Variants in APLP1 observed in about 807,000 individuals in gnomAD.
The protein encoded by APLP1 is amyloid beta (A4) precursor-like protein 1.
A neutral mutation model predicts 84.5 loss-of-function variants in APLP1; 46 were observed. That is an observed-to-expected ratio of 0.54 (90% CI 0.43 to 0.70). APLP1 has a LOEUF of 0.70. Ranked by LOEUF, APLP1 falls within the 30% of genes least tolerant of loss-of-function variation. APLP1 has a pLI of 0.00. For missense variants in APLP1, 826 were observed against 900.2 expected, an observed-to-expected ratio of 0.92 and a Z score of 1.05; for synonymous variants, 376 against 364.0, an observed-to-expected ratio of 1.03 and a Z score of -0.38.
In APLP1 at chr19:35,873,600, G is replaced by A. The variant is rs374827957; in HGVS notation, c.982-39G>A. 1.1e-5 allele frequency: 17 copies of A among 1,606,838 alleles called. No individual in the cohort carries two copies. The African/African-American group carries it at 2.3e-4, about 21-fold the overall frequency. On this transcript the variant is annotated intron_variant, in intron 7 of 16. Transcript: ENST00000221891. ...TTGGGGGACTTGCCAGGTGGATCAG[G>A]GTGGATTCTGGGATCCTGAAGCTCC... is the stretch of plus-strand genomic sequence containing the variant.
chr19:35,876,173 C>T (rs1974277813), intron 10 of APLP1, among the ~76,000 whole-genome samples: 2 of 152,156 alleles, frequency 1.3e-5, no homozygotes, highest in South Asian at 2.1e-4. Context: ...TCTGTGCGCT[C>T]AAATTTGAAT....
Position 35,876,630 on chromosome 19 carries a change from A to C in APLP1, c.1444+14A>C. 2 of 1,593,834 alleles carry C rather than the reference A, an allele frequency of 1.3e-6. No homozygotes were observed. Among genetic ancestry groups the C allele is most frequent in the Non-Finnish European group, 1.7e-6 (2 of 1,168,434 alleles). On this transcript the variant is annotated intron_variant, in intron 11 of 16. Coordinates refer to ENST00000221891, the MANE Select transcript of APLP1 (RefSeq NM_001024807.3). ...GGCCCCAAATCCGTGAGTGTCTATTACCCTGGCTCCCATTACAGATCTCTG... is the reference window on the plus strand; with the variant it reads ...GGCCCCAAATCCGTGAGTGTCTATTCCCCTGGCTCCCATTACAGATCTCTG...
chr19:35,868,732 C>T lies in APLP1; in HGVS notation c.96C>T (p.Arg32=), dbSNP rs1331870345. 2 of 1,391,444 alleles carry T rather than the reference C, an allele frequency of 1.4e-6. No homozygotes were observed. The highest frequency in any genetic ancestry group is 6.6e-5 in the Admixed American group (2 of 30,208). 86.2% of individuals were successfully genotyped at this position (1,391,444 alleles called of 1,614,324 possible). Residue 32 remains arginine, a synonymous_variant, in exon 1 of 17, where the codon CGC becomes CGT. Transcript: ENST00000221891. The surrounding 1 kb of genome is among the most constrained non-coding windows in gnomAD (Gnocchi z 5.2). ...TGCCACTATTGCTGCTGCTTCTGCG[C>T]GCGCAGCCCGCCATCGGGAGCCTGG... ...LLLPLLLLLL[R]AQPAIGSLAG... is the part of the protein sequence containing the mutation.
rs1469009908 is a variant in APLP1 at position 35,872,492 on chromosome 19, C to A, written c.860C>A (p.Thr287Asn). 6.2e-7 allele frequency: 1 copy of A among 1,612,670 alleles called. No homozygotes were observed. The highest frequency in any genetic ancestry group is 8.5e-7 in the Non-Finnish European group (1 of 1,179,600). ...ATCCCTGGTCTTGCAGTCACTCCCA[C>A]CCCGAGGCCCACAGACGGTGTGGAT... ...TLAVVGKVTP[T>N]PRPTDGVDIY... Residue 287 changes from threonine (T) to asparagine (N), a missense_variant, in exon 7 of 17, where the codon ACC (threonine) becomes AAC (asparagine). Transcript: ENST00000221891.
Position 35,868,603 on chromosome 19 carries a change from A to AGTGCAGGGGACGTGAGG in APLP1, c.-32_-16dup. 1 of 1,245,010 alleles carries AGTGCAGGGGACGTGAGG rather than the reference A, an allele frequency of 8.0e-7. No homozygotes were observed. The highest frequency in any genetic ancestry group is 1.0e-6 in the Non-Finnish European group (1 of 994,222). The allele number at this position is 1,245,010 out of a possible 1,614,324, so 77.1% of individuals were successfully genotyped here. A position where few individuals can be genotyped will look rare whatever the true frequency, so the allele number is the denominator to read the frequency against. Reference sequence around the variant, plus strand: ...CACCGCTGGGGCCGGGCCGGGCGGGAGTGCAGGGGACGTGAGGGCGCAAGG... The same window carrying AGTGCAGGGGACGTGAGG: ...CACCGCTGGGGCCGGGCCGGGCGGGAGTGCAGGGGACGTGAGGGTGCAGGGGACGTGAGGGCGCAAGG... On this transcript the variant is annotated 5_prime_UTR_variant, in exon 1 of 17. Transcript: ENST00000221891. This position sits in a 1 kb window ranked among gnomAD's most constrained non-coding sequence, Gnocchi z 5.2.
At chr19:35,872,385 G>C (rs897902658) in intron 6 of APLP1, 98 bp from the exon 7 acceptor site, 13 of 1,495,272 alleles carry the variant, frequency 8.7e-6, no homozygotes, top group South Asian at 2.6e-5. Flanking sequence ...CTGGGTGCAT[G>C]ATGGTCTCCA....
intron 10 of APLP1, among the ~76,000 whole-genome samples, chr19:35,875,976 T>C (rs758294357): frequency 2.0e-5 from 3 of 151,898 alleles, no homozygotes; most frequent in Non-Finnish European, 4.4e-5. Context: ...GGTTTTGCCA[T>C]GTTGCCCAGG....
At chr19:35,871,548 C>T in intron 4 of APLP1, 64 bp from the exon 5 acceptor site, 1 of 1,599,078 alleles carries the variant, frequency 6.3e-7, no homozygotes, top group South Asian at 1.1e-5. Context: ...ACCCTGGCAG[C>T]CCAGTTCCCC....
chr19:35,871,099 C>A, intron 3 of APLP1, 71 bp downstream of exon 3: 1 of 1,502,304 alleles, frequency 6.7e-7, no homozygotes, highest in Non-Finnish European at 8.9e-7. Flanking sequence ...GCCCCTCTCT[C>A]AGGCCTACAT....
chr19:35,873,107 G>A (rs1049637673), intron 7 of APLP1, among the ~76,000 whole-genome samples: 12 of 151,508 alleles, frequency 7.9e-5, no homozygotes, highest in African/African-American at 2.2e-4. Flanking sequence ...AGATCCACCC[G>A]CCTCGGCCTC....
rs773450985 is a variant in APLP1, at chr19:35,871,910, G to T, written c.724G>T (p.Asp242Tyr). ...GGGGAGCAGAGTAGAGGGGGCTGAG[G>T]ACGAGGAAGAGGAGGAATCCTTCCC... is the stretch of plus-strand genomic sequence containing the variant. ...PPGSRVEGAE[D>Y]EEEEESFPQP... The change falls in exon 6 of 17, where the codon GAC (aspartate) becomes TAC (tyrosine). Residue 242 changes from aspartate to tyrosine, a missense_variant. Physicochemically the swap from Asp to Tyr is radical, Grantham distance 160 (BLOSUM62 -3). Coordinates refer to ENST00000221891, the MANE Select transcript of APLP1 (RefSeq NM_001024807.3). 14 of 1,614,046 alleles carry T rather than the reference G, an allele frequency of 8.7e-6. No homozygotes were observed. Among genetic ancestry groups the T allele is most frequent in the Non-Finnish European group, 1.7e-6 (2 of 1,180,038 alleles).
chr19:35,871,465 G>T, intron 4 of APLP1, 116 bp downstream of exon 4: 1 of 1,359,186 alleles, frequency 7.4e-7, no homozygotes. Flanking sequence ...TCGCACTTGG[G>T]ATCTAAGAAT....
intron 10 of APLP1, among the ~76,000 whole-genome samples, chr19:35,875,613 G>A (rs1255239268): frequency 6.6e-6 from 1 of 152,030 alleles, no homozygotes; most frequent in African/African-American, 2.4e-5. Flanking sequence ...GAGCCACCAC[G>A]CCCGGCCCCA....
Position 35,869,779 on chromosome 19 carries a change from AC to A in APLP1, c.263del (p.Pro88ArgfsTer59). 1 of 1,604,264 alleles carries A rather than the reference AC, an allele frequency of 6.2e-7. No individual in the cohort carries two copies. The highest frequency in any genetic ancestry group is 8.5e-7 in the Non-Finnish European group (1 of 1,176,554). Reference protein sequence around the residue: ...DPQRSRRCLRDPQRVLEYCRQ... With the variant: ...DPQRSRRCLRXPQRVLEYCRQ... ...CAGCGCTCTCGACGCTGTCTCCGGG[AC>A]CCGCAGCGCGTGCTGGAGTACTGCA... On this transcript the variant is annotated frameshift_variant, in exon 2 of 17. Coordinates refer to ENST00000221891, the MANE Select transcript of APLP1 (RefSeq NM_001024807.3). LOFTEE classifies it high-confidence loss of function.
At chr19:35,879,045 G>T in intron 15 of APLP1, 29 bp from the exon 16 acceptor site, 1 of 1,612,808 alleles carries the variant, frequency 6.2e-7, no homozygotes, top group Non-Finnish European at 8.5e-7. Context: ...CCTCAAAGAA[G>T]CCCTCTGCCC....
Position 35,879,690 on chromosome 19 carries a change from G to T in APLP1, c.*249G>T. On this transcript the variant is annotated 3_prime_UTR_variant, in exon 17 of 17. Transcript: ENST00000221891. ...TAATTTATTTTTTAAGTTTATTTATGGCTCTTTAAGGTGACCGCCACCTTG... is the reference window on the plus strand; with the variant it reads ...TAATTTATTTTTTAAGTTTATTTATTGCTCTTTAAGGTGACCGCCACCTTG... 1 of 519,910 alleles carries T rather than the reference G, an allele frequency of 1.9e-6. No homozygotes were observed. Among genetic ancestry groups the T allele is most frequent in the Non-Finnish European group, 3.4e-6 (1 of 294,250 alleles). The allele number at this position is 519,910 out of a possible 1,614,324, so 32.2% of individuals were successfully genotyped here. A position where few individuals can be genotyped will look rare whatever the true frequency, so the allele number is the denominator to read the frequency against.
intron 2 of APLP1, 71 bp from the exon 3 acceptor site, chr19:35,870,825 C>A (rs1974123456): frequency 2.0e-6 from 3 of 1,528,682 alleles, no homozygotes; most frequent in African/African-American, 2.8e-5. Context: ...AGAAAAGGGA[C>A]CTGACTACTG....
chr19:35,872,503 A>C lies in APLP1; in HGVS notation c.871A>C (p.Thr291Pro). Residue 291 changes from threonine to proline, a missense_variant, in exon 7 of 17, where the codon ACA becomes CCA. Thr to Pro is a conservative substitution (Grantham distance 38, BLOSUM62 -1). Transcript: ENST00000221891. ...TGCAGTCACTCCCACCCCGAGGCCC[A>C]CAGACGGTGTGGATATTTACTTTGG... The part of the protein sequence containing the change: ...VGKVTPTPRP[T>P]DGVDIYFGMP... The C allele has an allele frequency of 9.9e-6, 16 of 1,613,468 alleles. No individual in the cohort carries two copies. Among genetic ancestry groups the C allele is most frequent in the Non-Finnish European group, 1.4e-5 (16 of 1,179,828 alleles).
chr19:35,878,088 C>A lies in APLP1; in HGVS notation c.1559C>A (p.Thr520Asn). 1 of 1,612,636 alleles carries A rather than the reference C, an allele frequency of 6.2e-7. No individual in the cohort carries two copies. The highest frequency in any genetic ancestry group is 8.5e-7 in the Non-Finnish European group (1 of 1,179,374). The change falls in exon 13 of 17, where the codon ACC becomes AAC. Residue 520 changes from threonine to asparagine, a missense_variant. By Grantham distance (65) the Thr-to-Asn change is moderately conservative (BLOSUM62 0). Around this residue, in one of 3 missense-constraint regions of APLP1, gnomAD observed 433 missense variants for 496.5 expected, o/e 0.87. Transcript: ENST00000221891. ...LQPPDSKDAD[T>N]PMTLPKGSTE... ...TGCTTCCTCTGGCTGCCAGCAGACA[C>A]CCCCATGACCCTTCCAAAAGGTGAG...
Sources: gnomAD v4.1 joint callset for allele counts (sites outside exome capture counted in the v4.1 genomes callset) on GRCh38, gnomAD v4.1.1 for gene constraint, gnomAD v4.1.1 regional missense constraint, Gnocchi (gnomAD v3.1) non-coding constraint, MANE v1.5 for transcripts, NCBI Gene and HGNC (gene_info 2026-07-23, HGNC 2026-07-21) for gene names.